Variants in SIAH2 observed in about 807,000 individuals in gnomAD.
The protein encoded by SIAH2 is siah E3 ubiquitin protein ligase 2.
SIAH2 carries 4 observed loss-of-function variants against 20.4 expected under a neutral mutation model. The observed-to-expected ratio is 0.20, with a 90% CI of 0.10 to 0.45. SIAH2 has a LOEUF of 0.45. SIAH2 is among the 20% of genes least tolerant of loss of function. The pLI is 0.99. For missense variants in SIAH2, 259 were observed against 440.3 expected (o/e 0.59, Z 3.69); for synonymous variants, 171 against 192.5 (o/e 0.89, Z 0.93).
At chr3:150,757,944 G>A (rs1351001215) in intron 1 of SIAH2, among the ~76,000 whole-genome samples, 3 of 152,270 alleles carry the variant, frequency 2.0e-5, no homozygotes, top group East Asian at 3.9e-4. Context: ...CTCTTGGGAG[G>A]TGGCACCTGT....
rs1714107651 is a variant in SIAH2 at position 150,742,262 on chromosome 3, T to A, written c.854A>T (p.Asp285Val). 1 of 1,614,024 alleles carries A rather than the reference T, an allele frequency of 6.2e-7. No homozygotes were observed. Among genetic ancestry groups the A allele is most frequent in the Non-Finnish European group, 8.5e-7 (1 of 1,180,028 alleles). Residue 285 changes from aspartate to valine, a missense_variant, in exon 2 of 2, where the codon GAC (aspartate) becomes GTC (valine). Asp to Val is a radical substitution (Grantham distance 152). Around this residue, in one of 2 missense-constraint regions of SIAH2, gnomAD observed 160 missense variants for 327.6 expected, o/e 0.49. Transcript: ENST00000312960. The surrounding 1 kb of genome is among the most constrained non-coding windows in gnomAD (Gnocchi z 4.8). ...TWEATPRSIH[D>V]GVAAAIMNSD... ...GTTCATGATGGCCGCAGCCACACCGTCATGAATCGAACGGGGCGTGGCCTC... is the reference window on the plus strand; with the variant it reads ...GTTCATGATGGCCGCAGCCACACCGACATGAATCGAACGGGGCGTGGCCTC...
rs1292428172 is a variant in SIAH2 at position 150,763,036 on chromosome 3, C to T, written c.-187G>A. 7 of 523,536 alleles carry T rather than the reference C, an allele frequency of 1.3e-5. No individual in the cohort carries two copies. Among genetic ancestry groups the T allele is most frequent in the East Asian group, 1.9e-4 (2 of 10,404 alleles). 32.4% of individuals were successfully genotyped at this position (523,536 alleles called of 1,614,324 possible). A position where few individuals can be genotyped will look rare whatever the true frequency, so the allele number is the denominator to read the frequency against. ...TGGACCGCGCTGATGCACTCCGCAG[C>T]CCCCGGCGTTCCGAGCACGCCTCCG... On this transcript the variant is annotated 5_prime_UTR_variant, in exon 1 of 2. Transcript: ENST00000312960. The surrounding 1 kb of genome is among the most constrained non-coding windows in gnomAD (Gnocchi z 4.1).
In SIAH2 at chr3:150,742,573, C is replaced by T. The variant is rs1714119094; in HGVS notation, c.543G>A (p.Leu181=). The T allele has an allele frequency of 1.2e-6, 2 of 1,613,790 alleles. No individual in the cohort carries two copies. The highest frequency in any genetic ancestry group is 4.5e-5 in the East Asian group (2 of 44,876). The change falls in exon 2 of 2, where the codon CTG becomes CTA. Residue 181 remains leucine, a synonymous_variant. Coordinates refer to ENST00000312960, the MANE Select transcript of SIAH2 (RefSeq NM_005067.7). The surrounding 1 kb of genome is among the most constrained non-coding windows in gnomAD (Gnocchi z 4.8). ...GCATGAGATGGGACATCACAGCTTC[C>T]AGGGACCCCTGCCACTTGCAGGAAG... The part of the protein sequence containing the change: ...PGASCKWQGS[L]EAVMSHLMHA...
At chr3:150,757,286 C>A (rs1213517826) in intron 1 of SIAH2, among the ~76,000 whole-genome samples, 2 of 152,084 alleles carry the variant, frequency 1.3e-5, no homozygotes, top group African/African-American at 4.8e-5. Flanking sequence ...TAAGAAAGAA[C>A]CTTGGGATAA....
chr3:150,743,151 A>G (rs898683141), intron 1 of SIAH2, among the ~76,000 whole-genome samples: 1 of 152,236 alleles, frequency 6.6e-6, no homozygotes, highest in Non-Finnish European at 1.5e-5. Flanking sequence ...TAACAACAGT[A>G]TAATTCTGTC....
intron 1 of SIAH2, among the ~76,000 whole-genome samples, chr3:150,744,259 A>T (rs1270773136): frequency 6.6e-6 from 1 of 152,196 alleles, no homozygotes; most frequent in African/African-American, 2.4e-5. Context: ...CCTAATCGGA[A>T]AGGAGAGTGG....
rs1714287594 is a variant in SIAH2, at chr3:150,748,888, G to A, written c.418-6190C>T. On this transcript the variant is annotated intron_variant, in intron 1 of 1. Coordinates refer to ENST00000312960, the MANE Select transcript of SIAH2 (RefSeq NM_005067.7). ...CCTATAAAGGACATTCATTACTGGG[G>A]CAAAAGCTGTAATTTGAATGTGCAC... Among the ~76,000 whole-genome samples the A allele has an allele frequency of 2.0e-5, 3 of 152,158 alleles. No individual in the cohort carries two copies. In the South Asian group the frequency reaches 6.2e-4, roughly 32 times the overall value.
At chr3:150,744,892 G>A (rs1442454052) in intron 1 of SIAH2, among the ~76,000 whole-genome samples, 1 of 152,026 alleles carries the variant, frequency 6.6e-6, no homozygotes, top group African/African-American at 2.4e-5. Flanking sequence ...CACTCAAGTA[G>A]GAGTATTTAT....
rs1714268592 is a variant in SIAH2, at chr3:150,748,114, T to C, written c.418-5416A>G. Reference sequence around the variant, plus strand: ...AGTCTTGTGCAGATGTGTTCTGCCATTGAGATGTGATGTGTAATCCGGACC... The same window carrying C: ...AGTCTTGTGCAGATGTGTTCTGCCACTGAGATGTGATGTGTAATCCGGACC... On this transcript the variant is annotated intron_variant, in intron 1 of 1. Coordinates refer to ENST00000312960, the MANE Select transcript of SIAH2 (RefSeq NM_005067.7). Among the ~76,000 whole-genome samples, 3 of 152,304 alleles carry C rather than the reference T, an allele frequency of 2.0e-5. No individual in the cohort carries two copies. The South Asian group carries it at 6.2e-4, about 32-fold the overall frequency.
intron 1 of SIAH2, among the ~76,000 whole-genome samples, chr3:150,747,576 G>A (rs999508415): frequency 1.3e-5 from 2 of 152,024 alleles, no homozygotes; most frequent in Non-Finnish European, 2.9e-5. Flanking sequence ...ATTTCCCCAG[G>A]GGGAATTAGT....
chr3:150,742,217 T>G lies in SIAH2; in HGVS notation c.899A>C (p.Asp300Ala), dbSNP rs1714102293. 6.2e-7 allele frequency: 1 copy of G among 1,614,038 alleles called. No homozygotes were observed. Among genetic ancestry groups the G allele is most frequent in the African/African-American group, 1.3e-5 (1 of 74,896 alleles). ...AIMNSDCLVF[D>A]TAIAHLFADN... ...TGCAAAAAGATGTGCTATGGCTGTG[T>G]CGAAAACAAGGCAGTCGCTGTTCAT... Residue 300 changes from aspartate (D) to alanine (A), a missense_variant, in exon 2 of 2, where the codon GAC becomes GCC. Physicochemically the swap from Asp to Ala is moderately radical, Grantham distance 126. Around this residue, in one of 2 missense-constraint regions of SIAH2, gnomAD observed 160 missense variants for 327.6 expected, o/e 0.49. Transcript: ENST00000312960. This position sits in a 1 kb window ranked among gnomAD's most constrained non-coding sequence, Gnocchi z 4.8.
chr3:150,756,702 T>C (rs763669689), intron 1 of SIAH2, among the ~76,000 whole-genome samples: 1 of 152,234 alleles, frequency 6.6e-6, no homozygotes, highest in Non-Finnish European at 1.5e-5. Flanking sequence ...CCATTAAGCT[T>C]AAGTACTGCC....
chr3:150,750,444 T>A (rs556059288), intron 1 of SIAH2, among the ~76,000 whole-genome samples: 94 of 151,912 alleles, frequency 6.2e-4, no homozygotes, highest in African/African-American at 1.1e-3. Flanking sequence ...ACTTAGAATT[T>A]AAAAAAAAAT....
At chr3:150,757,232 G>A (rs979108124) in intron 1 of SIAH2, among the ~76,000 whole-genome samples, 5 of 152,122 alleles carry the variant, frequency 3.3e-5, no homozygotes, top group Admixed American at 1.3e-4. Context: ...CCTGGCTCAC[G>A]TTCTTTTCAC....
chr3:150,742,802 T>C lies in SIAH2; in HGVS notation c.418-104A>G, dbSNP rs1393566272. On this transcript the variant is annotated intron_variant, in intron 1 of 1. Transcript: ENST00000312960. This position sits in a 1 kb window ranked among gnomAD's most constrained non-coding sequence, Gnocchi z 4.8. The stretch of plus-strand genomic sequence containing the variant: ...ACTCCATTTTCCTGGGCTTAAACTG[T>C]GTTCTTAACTACTTTTGCTCAAAGC... The C allele has an allele frequency of 1.0e-5, 9 of 903,220 alleles. No individual in the cohort carries two copies. Among genetic ancestry groups the C allele is most frequent in the Non-Finnish European group, 1.4e-5 (9 of 625,510 alleles). 56.0% of individuals were successfully genotyped at this position (903,220 alleles called of 1,614,324 possible).
At chr3:150,751,558 T>G (rs1237788494) in intron 1 of SIAH2, among the ~76,000 whole-genome samples, 3 of 152,042 alleles carry the variant, frequency 2.0e-5, no homozygotes, top group African/African-American at 7.2e-5. Flanking sequence ...GTGGTGAGAG[T>G]AAGGAAACAC....
At position 150,762,426 on chromosome 3, in the gene SIAH2, G is replaced by A; in HGVS notation, c.417+7C>T. The stretch of plus-strand genomic sequence containing the variant: ...GGCGGAGGTACGTGGGCTGTCCCTG[G>A]GCTTACCTTACAGGGAAACAGGACT... On this transcript the variant is annotated splice_region_variant and intron_variant, in intron 1 of 1. Transcript: ENST00000312960. This position sits in a 1 kb window ranked among gnomAD's most constrained non-coding sequence, Gnocchi z 6.6. 2.5e-6 allele frequency: 4 copies of A among 1,607,644 alleles called. No homozygotes were observed. The highest frequency in any genetic ancestry group is 3.4e-6 in the Non-Finnish European group (4 of 1,177,450).
chr3:150,752,695 C>A (rs1245961959), intron 1 of SIAH2, among the ~76,000 whole-genome samples: 4 of 152,168 alleles, frequency 2.6e-5, no homozygotes, highest in African/African-American at 9.7e-5. Flanking sequence ...TTCTCCGGCC[C>A]CGCAAGTTAT....
rs185186009 is a variant in SIAH2, at chr3:150,745,642, C to A, written c.418-2944G>T. On this transcript the variant is annotated intron_variant, in intron 1 of 1. Coordinates refer to ENST00000312960, the MANE Select transcript of SIAH2 (RefSeq NM_005067.7). ...TCCCAAGTAGCTGGGACTACAGGTGCCTGCCACCACACCCAGCTAATTTTT... is the reference window on the plus strand; with the variant it reads ...TCCCAAGTAGCTGGGACTACAGGTGACTGCCACCACACCCAGCTAATTTTT... Among the ~76,000 whole-genome samples, 247 of 152,198 alleles carry A rather than the reference C, an allele frequency of 1.6e-3. 3 individuals carry two copies. Among genetic ancestry groups the A allele is most frequent in the Non-Finnish European group, 9.7e-4 (66 of 68,016 alleles).
Sources: gnomAD v4.1 joint callset for allele counts (sites outside exome capture counted in the v4.1 genomes callset) on GRCh38, gnomAD v4.1.1 for gene constraint, gnomAD v4.1.1 regional missense constraint, Gnocchi (gnomAD v3.1) non-coding constraint, MANE v1.5 for transcripts, NCBI Gene and HGNC (gene_info 2026-07-23, HGNC 2026-07-21) for gene names.